Variants in OTC observed in about 807,000 individuals in gnomAD.
The protein encoded by OTC is ornithine transcarbamylase.
OTC carries 3 observed loss-of-function variants against 30.3 expected under a neutral mutation model. The ratio of observed to expected loss-of-function variants is 0.10; its 90% CI spans 0.05 to 0.26. The LOEUF is 0.26. OTC is among the 10% of genes least tolerant of loss of function. The probability of loss-of-function intolerance (pLI) is 1.00; values close to 1 mark genes in which losing one functional copy is unlikely to be tolerated. For synonymous variants in OTC, 111 were observed against 99.7 expected (o/e 1.11, Z -0.67); for missense variants, 194 against 260.3 (o/e 0.75, Z 1.75).
chrX:38,406,918 A>G (rs1467316251), intron 6 of OTC, among the ~76,000 whole-genome samples: 1 of 112,723 alleles, frequency 8.9e-6, no homozygotes, highest in Non-Finnish European at 1.9e-5. Context: ...AGAAGAAACT[A>G]TGGTAGACAA....
intron 6 of OTC, among the ~76,000 whole-genome samples, chrX:38,405,746 G>A (rs1371942204): frequency 1.8e-5 from 2 of 111,614 alleles, no homozygotes; most frequent in East Asian, 2.8e-4. Flanking sequence ...TTTATTCAGC[G>A]TGAACTGAAA....
chrX:38,340,647 A>G, the OTC span, among the ~76,000 whole-genome samples: 1 of 109,977 alleles, frequency 9.1e-6, no homozygotes, highest in African/African-American at 3.3e-5. Context: ...TATGAAACAA[A>G]TAAGAAGAAT....
the OTC span, among the ~76,000 whole-genome samples, chrX:38,343,686 G>A: frequency 9.4e-4 from 106 of 112,383 alleles, 1 homozygote; most frequent in African/African-American, 3.2e-3. Context: ...TCTGGATTCT[G>A]CTTAAAATCA....
At chrX:38,369,130 C>T (rs896304207) in intron 2 of OTC, among the ~76,000 whole-genome samples, 12 of 110,945 alleles carry the variant, frequency 1.1e-4, no homozygotes, top group African/African-American at 3.9e-4. Context: ...GAGAAAACAC[C>T]TCCAAACCAA....
At chrX:38,404,824 G>A (rs183813040) in intron 6 of OTC, among the ~76,000 whole-genome samples, 1 of 111,329 alleles carries the variant, frequency 9.0e-6, no homozygotes, top group African/African-American at 3.3e-5. Context: ...TGGGGACATG[G>A]GGTTTGGGGT....
intron 9 of OTC, among the ~76,000 whole-genome samples, chrX:38,413,130 G>A (rs1449096948): frequency 8.9e-6 from 1 of 112,211 alleles, no homozygotes; most frequent in Non-Finnish European, 1.9e-5. Flanking sequence ...GGGAGTTTGG[G>A]AAAGGCAGTT....
At chrX:38,385,754 T>A (rs2068399577) in intron 4 of OTC, among the ~76,000 whole-genome samples, 1 of 111,848 alleles carries the variant, frequency 8.9e-6, no homozygotes, top group African/African-American at 3.3e-5. Flanking sequence ...GGAATAAAAA[T>A]CCTAAATACA....
chrX:38,338,435 C>T, the OTC span, among the ~76,000 whole-genome samples: 4 of 111,925 alleles, frequency 3.6e-5, no homozygotes, highest in Non-Finnish European at 5.6e-5. Context: ...TTTAATTTTC[C>T]CTGAGAGTCA....
the OTC span, among the ~76,000 whole-genome samples, chrX:38,331,407 C>T: frequency 9.9e-6 from 1 of 101,457 alleles, no homozygotes; most frequent in Admixed American, 1.1e-4. Context: ...GCACCCGCCA[C>T]TACACCCAGC....
At chrX:38,413,813 G>T (rs1265133832) in intron 9 of OTC, among the ~76,000 whole-genome samples, 4 of 109,694 alleles carry the variant, frequency 3.6e-5, no homozygotes, top group Non-Finnish European at 7.6e-5. Flanking sequence ...GGGATTACAG[G>T]CAGGTGACAC....
At chrX:38,328,143 G>A in the OTC span, among the ~76,000 whole-genome samples, 1 of 112,363 alleles carries the variant, frequency 8.9e-6, no homozygotes, top group Non-Finnish European at 1.9e-5. Flanking sequence ...GCTCAGCGAT[G>A]TTATATGATG....
At chrX:38,363,781 T>C (rs1261253074) in intron 1 of OTC, among the ~76,000 whole-genome samples, 2 of 111,863 alleles carry the variant, frequency 1.8e-5, no homozygotes, top group Non-Finnish European at 3.8e-5. Flanking sequence ...GTCTAGAAAC[T>C]GCTTTAGCCA....
intron 3 of OTC, 44 bp from the exon 4 acceptor site, chrX:38,381,298 A>C: frequency 1.0e-6 from 1 of 962,669 alleles, no homozygotes; most frequent in South Asian, 2.1e-5. Context: ...TTTCCACTTT[A>C]GTTGTTTTTT....
At chrX:38,397,597 C>T (rs2068463977) in intron 4 of OTC, among the ~76,000 whole-genome samples, 1 of 111,991 alleles carries the variant, frequency 8.9e-6, no homozygotes, top group African/African-American at 3.2e-5. Context: ...AAAGAAAATA[C>T]GTCTTTTATA....
At chrX:38,385,057 C>T (rs1278801321) in intron 4 of OTC, among the ~76,000 whole-genome samples, 1 of 111,148 alleles carries the variant, frequency 9.0e-6, no homozygotes, top group Non-Finnish European at 1.9e-5. Flanking sequence ...GGGGGTGGGT[C>T]ACCTGAGGTC....
rs755833118 is a variant in OTC at position 38,409,271 on chromosome X, C to T, written c.867+246C>T. ...GAGAGGAGCAGGCTTTTCCCTCTCACAAGAATCGAGGCATTGCAGTGTTTT... is the reference window on the plus strand; with the variant it reads ...GAGAGGAGCAGGCTTTTCCCTCTCATAAGAATCGAGGCATTGCAGTGTTTT... On this transcript the variant is annotated intron_variant, in intron 8 of 9. Transcript: ENST00000039007. Among the ~76,000 whole-genome samples the T allele has an allele frequency of 5.4e-5, 6 of 111,665 alleles. No homozygotes were observed. The Admixed American group carries it at 5.7e-4, about 11-fold the overall frequency.
the OTC span, among the ~76,000 whole-genome samples, chrX:38,332,504 T>TATATATATATATA: frequency 5.1e-3 from 201 of 39,344 alleles, 7 homozygotes; most frequent in African/African-American, 0.017. Flanking sequence ...GCCCTAGATT[T>TATATATATATATA]TATATATATA....
intron 3 of OTC, among the ~76,000 whole-genome samples, chrX:38,379,469 G>A (rs932778738): frequency 8.0e-5 from 9 of 111,893 alleles, no homozygotes; most frequent in African/African-American, 2.6e-4. Context: ...GCTCTGTGAA[G>A]AGTCATTGCT....
At position 38,411,996 on chromosome X, in the gene OTC, C is replaced by A. The variant is rs1569281367; in HGVS notation, c.1002C>A (p.Ile334=). Residue 334 remains isoleucine, a synonymous_variant, in exon 9 of 10, where the codon ATC becomes ATA. Coordinates refer to ENST00000039007, the MANE Select transcript of OTC (RefSeq NM_000531.6). ...AGGCAGAAAACAGAAAGTGGACAATCATGGTAAGCAAGAAACAAGGAATGG... is the reference window on the plus strand; with the variant it reads ...AGGCAGAAAACAGAAAGTGGACAATAATGGTAAGCAAGAAACAAGGAATGG... The part of the protein sequence containing the change: ...FPEAENRKWT[I]MAVMVSLLTD... 2 of 1,210,052 alleles carry A rather than the reference C, an allele frequency of 1.7e-6. No individual in the cohort carries two copies. The highest frequency in any genetic ancestry group is 2.2e-6 in the Non-Finnish European group (2 of 894,079).
Sources: gnomAD v4.1 joint callset for allele counts (sites outside exome capture counted in the v4.1 genomes callset) on GRCh38, gnomAD v4.1.1 for gene constraint, MANE v1.5 for transcripts, NCBI Gene and HGNC (gene_info 2026-07-23, HGNC 2026-07-21) for gene names.